The following KAT2B variants were observed in gnomAD, a reference collection of about 807,000 sequenced individuals.
KAT2B encodes lysine acetyltransferase 2B, also known as histone acetyltransferase KAT2B.
A neutral mutation model predicts 105.9 loss-of-function variants in KAT2B; 36 were observed. The ratio of observed to expected loss-of-function variants is 0.34; its 90% confidence interval spans 0.26 to 0.45. The LOEUF (loss-of-function observed/expected upper bound fraction) is 0.45, where lower values mean the gene tolerates loss of function less well. Ranked by LOEUF, KAT2B falls within the 20% of genes least tolerant of loss-of-function variation. KAT2B has a pLI of 1.00. For missense variants in KAT2B, 820 were observed against 1,021.6 expected, an observed-to-expected ratio of 0.80 and a Z score of 2.69; for synonymous variants, 397 against 377.9, an observed-to-expected ratio of 1.05 and a Z score of -0.59.
intron 17 of KAT2B, 93 bp downstream of exon 17, chr3:20,148,580 G>A: frequency 1.1e-6 from 1 of 907,884 alleles, no homozygotes; most frequent in Non-Finnish European, 1.7e-6. Flanking sequence ...GTACTCCTCT[G>A]CTTAGGGTAG....
chr3:20,062,573 T>C (rs1698156989), intron 1 of KAT2B, among the ~76,000 whole-genome samples: 1 of 150,470 alleles, frequency 6.6e-6, no homozygotes, highest in Admixed American at 6.7e-5. Context: ...GCGATTCTCT[T>C]GCCTCAGCTT....
At chr3:20,046,227 C>T (rs1460953199) in intron 1 of KAT2B, among the ~76,000 whole-genome samples, 1 of 152,174 alleles carries the variant, frequency 6.6e-6, no homozygotes, top group East Asian at 1.9e-4. Flanking sequence ...TGCTTGGGTT[C>T]TCGGCAAGGT....
chr3:20,087,306 G>A (rs557593350), intron 2 of KAT2B, among the ~76,000 whole-genome samples: 37 of 152,032 alleles, frequency 2.4e-4, no homozygotes, highest in Admixed American at 2.0e-3. Context: ...ATATTGCTGG[G>A]TACCTCATAA....
chr3:20,057,071 A>C (rs572684836), intron 1 of KAT2B, among the ~76,000 whole-genome samples: 2 of 152,198 alleles, frequency 1.3e-5, no homozygotes, highest in Non-Finnish European at 2.9e-5. Context: ...TAGTTGGCTG[A>C]TAAGGGCCTG....
At chr3:20,048,573 G>GT (rs1013616183) in intron 1 of KAT2B, among the ~76,000 whole-genome samples, 9 of 152,176 alleles carry the variant, frequency 5.9e-5, no homozygotes, top group African/African-American at 2.2e-4. Flanking sequence ...AAACTTTCCT[G>GT]TAAGATGCCT....
At chr3:20,078,462 T>G (rs1575120190) in intron 2 of KAT2B, among the ~76,000 whole-genome samples, 1 of 151,974 alleles carries the variant, frequency 6.6e-6, no homozygotes, top group South Asian at 2.1e-4. Flanking sequence ...AACCTCCCCC[T>G]CTTGGGCTCA....
rs537843528 is a variant in KAT2B at position 20,120,636 on chromosome 3, A to C, written c.1276+913A>C. The stretch of plus-strand genomic sequence containing the variant: ...TATTCCTTTCGTAGGAATAACTGCA[A>C]AGTCACATAGCAAAGAGTGTAGATA... On this transcript the variant is annotated intron_variant, in intron 8 of 17. Coordinates refer to ENST00000263754, the MANE Select transcript of KAT2B (RefSeq NM_003884.5). Among the ~76,000 whole-genome samples the C allele has an allele frequency of 3.3e-5, 5 of 152,306 alleles. No homozygotes were observed. In the South Asian group the frequency reaches 1.0e-3, roughly 32 times the overall value.
chr3:20,085,873 C>A (rs1698605152), intron 2 of KAT2B, among the ~76,000 whole-genome samples: 1 of 152,102 alleles, frequency 6.6e-6, no homozygotes, highest in South Asian at 2.1e-4. Context: ...ATTGATTATT[C>A]TTTTTCTATT....
chr3:20,095,330 G>A lies in KAT2B; in HGVS notation c.498G>A (p.Leu166=), dbSNP rs1288664790. 6.2e-7 allele frequency: 1 copy of A among 1,604,418 alleles called. No individual in the cohort carries two copies. The highest frequency in any genetic ancestry group is 8.5e-7 in the Non-Finnish European group (1 of 1,171,406). ...EEMNRLLGIV[L]DVEYLFTCVH... is the part of the protein sequence containing the mutation. The stretch of plus-strand genomic sequence containing the variant: ...TGAACAGACTCCTGGGAATAGTATT[G>A]GATGTGGAATATCTCTTTACCTGTG... The change falls in exon 3 of 18, where the codon TTG becomes TTA. Residue 166 remains leucine (L), a synonymous_variant. Transcript: ENST00000263754.
At chr3:20,048,996 AGACTAC>A (rs1473094459) in intron 1 of KAT2B, among the ~76,000 whole-genome samples, 1 of 147,616 alleles carries the variant, frequency 6.8e-6, no homozygotes, top group Non-Finnish European at 1.5e-5. Context: ...CGAGTAGTTG[AGACTAC>A]AGGCCCCCGC....
At chr3:20,081,135 G>A (rs1340477369) in intron 2 of KAT2B, among the ~76,000 whole-genome samples, 1 of 152,160 alleles carries the variant, frequency 6.6e-6, no homozygotes, top group East Asian at 1.9e-4. Context: ...TAGCCTCGAT[G>A]CCAAATTCCC....
intron 1 of KAT2B, among the ~76,000 whole-genome samples, chr3:20,071,811 G>A (rs967329053): frequency 6.6e-6 from 1 of 152,182 alleles, no homozygotes; most frequent in Non-Finnish European, 1.5e-5. Flanking sequence ...TCTTGGAGGA[G>A]CCTGCAAGTG....
intron 1 of KAT2B, among the ~76,000 whole-genome samples, chr3:20,068,440 C>A (rs1320323513): frequency 6.6e-6 from 1 of 150,536 alleles, no homozygotes; most frequent in African/African-American, 2.5e-5. Flanking sequence ...CAACTCCCAC[C>A]TTTCTTCAAG....
intron 17 of KAT2B, among the ~76,000 whole-genome samples, chr3:20,150,443 C>A (rs1699852841): frequency 6.6e-6 from 1 of 152,168 alleles, no homozygotes; most frequent in African/African-American, 2.4e-5. Flanking sequence ...TAGGGAGTCA[C>A]ACACTGGACA....
chr3:20,044,650 T>G (rs1254444104), intron 1 of KAT2B, among the ~76,000 whole-genome samples: 11 of 152,070 alleles, frequency 7.2e-5, no homozygotes, highest in Admixed American at 6.6e-4. Context: ...AGCTCTTCTT[T>G]CCACATTTTA....
chr3:20,128,421 T>A, intron 11 of KAT2B, among the ~76,000 whole-genome samples: 1 of 152,208 alleles, frequency 6.6e-6, no homozygotes, highest in South Asian at 2.1e-4. Flanking sequence ...GGAAGTCATG[T>A]AAATTTATGA....
chr3:20,143,156 T>C (rs1057176959), intron 13 of KAT2B, among the ~76,000 whole-genome samples: 6 of 152,138 alleles, frequency 3.9e-5, no homozygotes, highest in African/African-American at 1.4e-4. Flanking sequence ...CAGTAGATCA[T>C]AGGACTGAGC....
intron 1 of KAT2B, among the ~76,000 whole-genome samples, chr3:20,061,961 CATAAT>C (rs1698114454): frequency 1.0e-5 from 1 of 99,292 alleles, no homozygotes; most frequent in Non-Finnish European, 1.8e-5. Flanking sequence ...ATATATAAAA[CATAAT>C]ATATATTATA....
intron 1 of KAT2B, among the ~76,000 whole-genome samples, chr3:20,064,495 C>T (rs377271448): frequency 4.6e-5 from 7 of 152,164 alleles, no homozygotes; most frequent in Non-Finnish European, 8.8e-5. Flanking sequence ...TGAGAAGTTA[C>T]GGTTTTGATC....
Sources: gnomAD v4.1 joint callset for allele counts (sites outside exome capture counted in the v4.1 genomes callset) on GRCh38, gnomAD v4.1.1 for gene constraint, MANE v1.5 for transcripts, NCBI Gene and HGNC (gene_info 2026-07-23, HGNC 2026-07-21) for gene names.